The following AKR1C8 variants were observed in gnomAD, a reference collection of about 807,000 sequenced individuals.
The protein encoded by AKR1C8 is aldo-keto reductase family 1 member C-like protein 1.
the AKR1C8 span, among the ~76,000 whole-genome samples, chr10:5,174,735 A>G: frequency 6.6e-6 from 1 of 152,186 alleles, no homozygotes; most frequent in South Asian, 2.1e-4. Context: ...ACTATGTAAA[A>G]ACAGGAAAAA....
chr10:5,151,611 C>G, the AKR1C8 span, among the ~76,000 whole-genome samples: 1 of 141,796 alleles, frequency 7.1e-6, no homozygotes, highest in African/African-American at 2.7e-5. Flanking sequence ...GGCTGGCATA[C>G]AGTGGCACAA....
chr10:5,172,892 G>T, the AKR1C8 span, among the ~76,000 whole-genome samples: 1 of 152,062 alleles, frequency 6.6e-6, no homozygotes, highest in East Asian at 1.9e-4. Flanking sequence ...GTAGTTATAA[G>T]ATTTACATCT....
At chr10:5,175,720 T>A in the AKR1C8 span, among the ~76,000 whole-genome samples, 4 of 152,370 alleles carry the variant, frequency 2.6e-5, no homozygotes, top group African/African-American at 9.6e-5. Flanking sequence ...ATTTCTCTGA[T>A]GGCCAGTGAT....
the AKR1C8 span, among the ~76,000 whole-genome samples, chr10:5,162,643 A>G: frequency 6.6e-6 from 1 of 152,206 alleles, no homozygotes; most frequent in Non-Finnish European, 1.5e-5. Flanking sequence ...TCCATTTTAT[A>G]CATGAATACT....
At chr10:5,138,403 GCT>G in the AKR1C8 span, among the ~76,000 whole-genome samples, 1 of 151,970 alleles carries the variant, frequency 6.6e-6, no homozygotes, top group African/African-American at 2.4e-5. Flanking sequence ...GAAAAATATG[GCT>G]CTTTTTGCCT....
the AKR1C8 span, among the ~76,000 whole-genome samples, chr10:5,117,579 C>T: frequency 6.6e-6 from 1 of 152,066 alleles, no homozygotes; most frequent in Non-Finnish European, 1.5e-5. Context: ...CATTGTGTTG[C>T]TATAAAGGAA....
At chr10:5,128,875 A>C in the AKR1C8 span, among the ~76,000 whole-genome samples, 1 of 152,104 alleles carries the variant, frequency 6.6e-6, no homozygotes, top group Admixed American at 6.6e-5. Flanking sequence ...CTAGTCAGAT[A>C]ATCAAGGCAG....
At chr10:5,134,615 G>A in the AKR1C8 span, among the ~76,000 whole-genome samples, 7 of 152,094 alleles carry the variant, frequency 4.6e-5, no homozygotes, top group East Asian at 3.9e-4. Context: ...TTGTACATGG[G>A]AACTTGTATT....
the AKR1C8 span, among the ~76,000 whole-genome samples, chr10:5,122,566 G>C: frequency 2.0e-5 from 3 of 152,188 alleles, no homozygotes; most frequent in Middle Eastern, 3.2e-3. Flanking sequence ...CTTAGACTGA[G>C]CAACCCTTAA....
chr10:5,134,579 C>T, the AKR1C8 span, among the ~76,000 whole-genome samples: 2 of 152,028 alleles, frequency 1.3e-5, no homozygotes, highest in Non-Finnish European at 2.9e-5. Flanking sequence ...AGTTATTTTT[C>T]CTTTTAATTT....
the AKR1C8 span, among the ~76,000 whole-genome samples, chr10:5,158,148 G>T: frequency 2.0e-5 from 3 of 152,112 alleles, no homozygotes; most frequent in Non-Finnish European, 4.4e-5. Context: ...CTCTTTCATA[G>T]GAAATTTTAG....
the AKR1C8 span, among the ~76,000 whole-genome samples, chr10:5,175,816 A>T: frequency 7.2e-6 from 1 of 138,444 alleles, no homozygotes; most frequent in African/African-American, 2.5e-5. Context: ...CCACTTTTTG[A>T]TGGGGTTGTT....
the AKR1C8 span, among the ~76,000 whole-genome samples, chr10:5,141,284 C>T: frequency 2.0e-5 from 3 of 152,122 alleles, no homozygotes; most frequent in East Asian, 3.9e-4. Context: ...CATATTAAGG[C>T]TCTACTTCTC....
the AKR1C8 span, among the ~76,000 whole-genome samples, chr10:5,149,182 T>C: frequency 6.6e-6 from 1 of 152,094 alleles, no homozygotes; most frequent in African/African-American, 2.4e-5. Flanking sequence ...ACCAGATAAA[T>C]TGTAGTAAGT....
At chr10:5,167,014 C>G in the AKR1C8 span, among the ~76,000 whole-genome samples, 1 of 151,952 alleles carries the variant, frequency 6.6e-6, no homozygotes, top group Admixed American at 6.5e-5. Flanking sequence ...ATTTATGCAG[C>G]CAAAAGACAC....
At chr10:5,145,968 A>G in the AKR1C8 span, among the ~76,000 whole-genome samples, 2 of 152,020 alleles carry the variant, frequency 1.3e-5, no homozygotes, top group Non-Finnish European at 2.9e-5. Context: ...ACAATGATAG[A>G]CTGGATTAAG....
the AKR1C8 span, among the ~76,000 whole-genome samples, chr10:5,143,683 C>T: frequency 1.3e-5 from 2 of 148,250 alleles, no homozygotes; most frequent in Non-Finnish European, 3.0e-5. Flanking sequence ...ATGGATCTAA[C>T]ATATACTAGA....
At chr10:5,127,212 AT>A in the AKR1C8 span, among the ~76,000 whole-genome samples, 5 of 152,080 alleles carry the variant, frequency 3.3e-5, no homozygotes, top group African/African-American at 1.2e-4. Flanking sequence ...ACAACCTAAA[AT>A]TTTTTTTTAA....
chr10:5,150,390 TATA>T, the AKR1C8 span, among the ~76,000 whole-genome samples: 1 of 151,866 alleles, frequency 6.6e-6, no homozygotes, highest in Non-Finnish European at 1.5e-5. Flanking sequence ...ACATAAAAAT[TATA>T]ATAATTAAGA....
Sources: gnomAD v4.1 joint callset for allele counts (sites outside exome capture counted in the v4.1 genomes callset) on GRCh38, gnomAD v4.1.1 for gene constraint, MANE v1.5 for transcripts, NCBI Gene and HGNC (gene_info 2026-07-23, HGNC 2026-07-21) for gene names.